GRIP1: variants seen among roughly 807,000 people sequenced by gnomAD.
The protein encoded by GRIP1 is glutamate receptor interacting protein 1, also known as glutamate receptor-interacting protein 1.
A neutral mutation model predicts 129.9 loss-of-function variants in GRIP1; 45 were observed. The observed-to-expected ratio is 0.35, with a 90% CI of 0.27 to 0.44. The LOEUF (loss-of-function observed/expected upper bound fraction) is 0.44, where lower values mean the gene tolerates loss of function less well. Ranked by LOEUF, GRIP1 falls within the 20% of genes least tolerant of loss-of-function variation. The probability of loss-of-function intolerance (pLI) is 1.00; values close to 1 mark genes in which losing one functional copy is unlikely to be tolerated. For missense variants in GRIP1, 1,196 were observed against 1,396.8 expected, an observed-to-expected ratio of 0.86 and a Z score of 2.29; for synonymous variants, 530 against 520.8, an observed-to-expected ratio of 1.02 and a Z score of -0.24.
chr12:66,953,963 C>G (rs895829623), intron 1 of GRIP1, among the ~76,000 whole-genome samples: 2 of 151,958 alleles, frequency 1.3e-5, no homozygotes, highest in South Asian at 4.1e-4. Flanking sequence ...TTCCGACCCC[C>G]CAAAACTGTT....
chr12:66,481,190 T>G (rs2059793031), intron 7 of GRIP1, among the ~76,000 whole-genome samples: 1 of 141,494 alleles, frequency 7.1e-6, no homozygotes, highest in Non-Finnish European at 1.5e-5. Flanking sequence ...ATTTTTGCAA[T>G]CAATCCATCT....
chr12:66,637,197 T>C (rs2031475703), intron 1 of GRIP1, among the ~76,000 whole-genome samples: 2 of 151,670 alleles, frequency 1.3e-5, no homozygotes, highest in South Asian at 4.2e-4. Context: ...GATGGGAGAG[T>C]AGAAACTGTA....
intron 1 of GRIP1, among the ~76,000 whole-genome samples, chr12:66,650,068 C>A (rs1285785105): frequency 1.3e-5 from 2 of 152,110 alleles, no homozygotes; most frequent in Non-Finnish European, 2.9e-5. Flanking sequence ...GCCTGTCGTG[C>A]CCAACGGCAG....
chr12:66,554,388 G>A (rs1164747102), intron 2 of GRIP1, among the ~76,000 whole-genome samples: 8 of 152,122 alleles, frequency 5.3e-5, no homozygotes, highest in Non-Finnish European at 1.0e-4. Flanking sequence ...AGTCAGCAGT[G>A]GTAGCCAGGT....
upstream of GRIP1, among the ~76,000 whole-genome samples, chr12:66,683,771 C>T (rs927953756): frequency 6.6e-6 from 1 of 152,152 alleles, no homozygotes; most frequent in Non-Finnish European, 1.5e-5. Context: ...AGGTAACAAC[C>T]TTAGAAATTC....
chr12:66,372,371 A>G, intron 22 of GRIP1: 2 of 261,274 alleles, frequency 7.7e-6, no homozygotes, highest in Non-Finnish European at 1.5e-5. Flanking sequence ...TGCTGCCTCT[A>G]TCTCCAACTG....
At chr12:66,458,811 AG>A (rs1771089726) in intron 9 of GRIP1, among the ~76,000 whole-genome samples, 1 of 152,210 alleles carries the variant, frequency 6.6e-6, no homozygotes, top group African/African-American at 2.4e-5. Flanking sequence ...TCTTAGAACA[AG>A]TCAGGTTCCT....
chr12:66,829,077 CA>C (rs1435774311), intron 1 of GRIP1, among the ~76,000 whole-genome samples: 1 of 152,154 alleles, frequency 6.6e-6, no homozygotes, highest in Admixed American at 6.5e-5. Flanking sequence ...TCTTTTATGG[CA>C]AAAGAGTGAC....
intron 1 of GRIP1, among the ~76,000 whole-genome samples, chr12:66,930,028 A>G (rs1384923864): frequency 3.5e-5 from 5 of 144,020 alleles, no homozygotes; most frequent in Non-Finnish European, 7.5e-5. Context: ...CATGTTGCCC[A>G]GTTACCCAGG....
chr12:66,565,474 T>C (rs1306290335), intron 2 of GRIP1, among the ~76,000 whole-genome samples: 7 of 152,174 alleles, frequency 4.6e-5, no homozygotes, highest in South Asian at 2.1e-4. Context: ...TTCTGTTCCA[T>C]TGGTCTATAT....
chr12:67,060,165 T>C (rs1290394604), intron 1 of GRIP1, among the ~76,000 whole-genome samples: 1 of 152,232 alleles, frequency 6.6e-6, no homozygotes, highest in Non-Finnish European at 1.5e-5. Flanking sequence ...CAAAATGGTT[T>C]ATAATAGACC....
chr12:67,043,636 T>A (rs2043211337), intron 1 of GRIP1, among the ~76,000 whole-genome samples: 1 of 152,138 alleles, frequency 6.6e-6, no homozygotes, highest in Non-Finnish European at 1.5e-5. Context: ...TGGGGCATCA[T>A]CATCATCTTA....
intron 5 of GRIP1, among the ~76,000 whole-genome samples, chr12:66,520,789 C>T (rs1187705169): frequency 2.6e-5 from 4 of 152,100 alleles, no homozygotes; most frequent in African/African-American, 7.2e-5. Context: ...TAATTTGATT[C>T]GCTATTGACT....
rs542889375 is a variant in GRIP1 at position 66,347,568 on chromosome 12, T to G, written c.*1451A>C. 6.6e-6 allele frequency: 1 copy of G among 152,336 alleles called. No homozygotes were observed. Among genetic ancestry groups the G allele is most frequent in the African/African-American group, 2.4e-5 (1 of 41,572 alleles). The allele number at this position is 152,336 out of a possible 1,614,324, so 9.4% of individuals were successfully genotyped here. ...TACATAGACGATAAATACCATGCTATTAAAGTATTAAATTTGTACAAAAAT... is the reference window on the plus strand; with the variant it reads ...TACATAGACGATAAATACCATGCTAGTAAAGTATTAAATTTGTACAAAAAT... On this transcript the variant is annotated 3_prime_UTR_variant, in exon 25 of 25. Transcript: ENST00000359742.
intron 1 of GRIP1, among the ~76,000 whole-genome samples, chr12:66,950,598 G>T (rs10878537): frequency 6.6e-6 from 1 of 151,834 alleles, no homozygotes; most frequent in African/African-American, 2.4e-5. Flanking sequence ...ATCAGAAGAT[G>T]ACAGAATAGA....
intron 7 of GRIP1, among the ~76,000 whole-genome samples, chr12:66,468,512 G>A (rs2059348040): frequency 6.6e-6 from 1 of 152,132 alleles, no homozygotes; most frequent in South Asian, 2.1e-4. Context: ...GCTATTTAAA[G>A]TAGGTATGTG....
chr12:66,898,574 T>C (rs776422003), intron 1 of GRIP1, among the ~76,000 whole-genome samples: 2 of 152,156 alleles, frequency 1.3e-5, no homozygotes, highest in Non-Finnish European at 2.9e-5. Flanking sequence ...TCAAAATTCA[T>C]ATATATACAC....
chr12:66,718,310 A>T (rs2035955574), intron 1 of GRIP1, among the ~76,000 whole-genome samples: 1 of 151,700 alleles, frequency 6.6e-6, no homozygotes, highest in Non-Finnish European at 1.5e-5. Context: ...ACCTCCTCTA[A>T]CTCCCTCATT....
intron 1 of GRIP1, among the ~76,000 whole-genome samples, chr12:66,735,590 T>TA (rs1179037463): frequency 6.6e-6 from 1 of 151,694 alleles, no homozygotes; most frequent in African/African-American, 2.4e-5. Context: ...GGTAGGAAGA[T>TA]AAAAAAGTTT....
Sources: gnomAD v4.1 joint callset for allele counts (sites outside exome capture counted in the v4.1 genomes callset) on GRCh38, gnomAD v4.1.1 for gene constraint, MANE v1.5 for transcripts, NCBI Gene and HGNC (gene_info 2026-07-23, HGNC 2026-07-21) for gene names.